The following ZNF226 variants were observed in gnomAD, a reference collection of about 807,000 sequenced individuals.
ZNF226 encodes the protein Kruppel-associated box protein.
A neutral mutation model predicts 11.4 loss-of-function variants in ZNF226; 6 were observed. That is an observed-to-expected ratio of 0.53 (90% CI 0.29 to 1.04). The LOEUF (loss-of-function observed/expected upper bound fraction) is 1.04, where lower values mean the gene tolerates loss of function less well. Ranked by LOEUF, ZNF226 falls within the 50% of genes least tolerant of loss-of-function variation. The pLI is 0.08. For missense variants in ZNF226, 1,058 were observed against 956.5 expected, an observed-to-expected ratio of 1.11 and a Z score of -1.40; for synonymous variants, 350 against 322.8, an observed-to-expected ratio of 1.08 and a Z score of -0.90.
Position 44,176,529 on chromosome 19 carries a change from G to C in ZNF226, c.1267G>C (p.Glu423Gln), listed in dbSNP as rs755235933. The change falls in exon 6 of 6, where the codon GAG (glutamate) becomes CAG (glutamine). Residue 423 changes from glutamate to glutamine, a missense_variant. By Grantham distance (29) the Glu-to-Gln change is conservative. Transcript: ENST00000337433. ...AGGAGAGAAACCATACAAATGTGAG[G>C]AGTGTGGTAAGGGCTTCATTTGTAG... ...HTGEKPYKCE[E>Q]CGKGFICSSN... The C allele has an allele frequency of 9.3e-6, 15 of 1,614,002 alleles. No individual in the cohort carries two copies. The highest frequency in any genetic ancestry group is 1.3e-5 in the African/African-American group (1 of 74,918).
At chr19:44,184,395 G>A in the ZNF226 span, among the ~76,000 whole-genome samples, 12 of 151,932 alleles carry the variant, frequency 7.9e-5, no homozygotes, top group Non-Finnish European at 2.9e-5. Flanking sequence ...GCCTGGCCAG[G>A]ATGGTGAAAC....
At chr19:44,180,100 A>C (rs531043153), downstream of ZNF226, among the ~76,000 whole-genome samples, 9 of 151,002 alleles carry the variant, frequency 6.0e-5, no homozygotes, top group East Asian at 9.7e-4. Flanking sequence ...AAAAAAAAAA[A>C]AAAAAAAAAA....
At chr19:44,186,173 T>G in the ZNF226 span, among the ~76,000 whole-genome samples, 1 of 152,050 alleles carries the variant, frequency 6.6e-6, no homozygotes, top group Non-Finnish European at 1.5e-5. Context: ...GTTTTGAAAT[T>G]AGGGAGTGTG....
intron 5 of ZNF226, 112 bp from the exon 6 acceptor site, chr19:44,175,386 T>A: frequency 7.0e-7 from 1 of 1,437,876 alleles, no homozygotes; most frequent in Non-Finnish European, 9.1e-7. Flanking sequence ...TCACAAAAGA[T>A]GAGCAGAACT....
At chr19:44,171,938 A>G (rs1411847602) in intron 3 of ZNF226, 150 bp from the exon 4 acceptor site, 17 of 949,260 alleles carry the variant, frequency 1.8e-5, no homozygotes, top group Admixed American at 1.0e-4. Flanking sequence ...CACTTTTGGT[A>G]AGTCAGTGTA....
intron 5 of ZNF226, 101 bp from the exon 6 acceptor site, chr19:44,175,397 A>C (rs1970581942): frequency 6.8e-7 from 1 of 1,460,014 alleles, no homozygotes; most frequent in African/African-American, 1.4e-5. Flanking sequence ...GAGCAGAACT[A>C]TCCCGAGGTT....
chr19:44,168,071 A>G (rs1013236156), intron 2 of ZNF226, among the ~76,000 whole-genome samples: 1 of 152,138 alleles, frequency 6.6e-6, no homozygotes, highest in African/African-American at 2.4e-5. Context: ...TAGATGGAAG[A>G]GGCAATTATT....
At chr19:44,169,230 A>G (rs1969788915) in intron 2 of ZNF226, among the ~76,000 whole-genome samples, 1 of 150,782 alleles carries the variant, frequency 6.6e-6, no homozygotes, top group Admixed American at 6.6e-5. Flanking sequence ...CTTGTCTTCA[A>G]CTCCTGACTG....
intron 5 of ZNF226, chr19:44,174,915 C>A: frequency 1.6e-5 from 24 of 1,455,286 alleles, no homozygotes; most frequent in Non-Finnish European, 2.3e-5. Flanking sequence ...ACTTGGTGTA[C>A]CCCTACCTCA....
chr19:44,176,483 A>G lies in ZNF226; in HGVS notation c.1221A>G (p.Gln407=), dbSNP rs528275612. The G allele has an allele frequency of 5.1e-5, 83 of 1,614,026 alleles. 1 individual carries two copies. The highest frequency in any genetic ancestry group is 4.9e-4 in the Middle Eastern group (3 of 6,062). ...GKSFSRNSHL[Q]SHQRVHTGEK... ...GCTTCAGTCGGAATTCACATCTTCAATCCCATCAAAGAGTTCATACAGGAG... is the reference window on the plus strand; with the variant it reads ...GCTTCAGTCGGAATTCACATCTTCAGTCCCATCAAAGAGTTCATACAGGAG... The change falls in exon 6 of 6, where the codon CAA becomes CAG. Residue 407 remains glutamine, a synonymous_variant. Transcript: ENST00000337433.
At chr19:44,175,196 T>G in intron 5 of ZNF226, 3 of 1,424,710 alleles carry the variant, frequency 2.1e-6, no homozygotes, top group Non-Finnish European at 2.7e-6. Context: ...ATGTTTTTCC[T>G]TATTGATACC....
At chr19:44,184,029 C>T in the ZNF226 span, among the ~76,000 whole-genome samples, 4 of 152,126 alleles carry the variant, frequency 2.6e-5, no homozygotes, top group African/African-American at 9.7e-5. Flanking sequence ...ATAACCATAA[C>T]CAGTTTTTAC....
At position 44,169,980 on chromosome 19, in the gene ZNF226, C is replaced by T. The variant is rs530955923; in HGVS notation, c.-46-55C>T. 61 of 1,244,662 alleles carry T rather than the reference C, an allele frequency of 4.9e-5. 1 individual carries two copies. The African/African-American group carries it at 5.1e-4, about 10-fold the overall frequency. The allele number at this position is 1,244,662 out of a possible 1,614,324, so 77.1% of individuals were successfully genotyped here. A position where few individuals can be genotyped will look rare whatever the true frequency, so the allele number is the denominator to read the frequency against. ...TTTGCTAATTCCTAAAGAGCAGCCA[C>T]GTGCATTAGCAACATACTTACCCAG... On this transcript the variant is annotated intron_variant, in intron 2 of 5. Coordinates refer to ENST00000337433, the MANE Select transcript of ZNF226 (RefSeq NM_001032373.2).
the ZNF226 span, among the ~76,000 whole-genome samples, chr19:44,188,894 A>G: frequency 6.2e-3 from 947 of 152,348 alleles, 6 homozygotes; most frequent in Admixed American, 0.012. Context: ...TTTTATAAGG[A>G]AAAATGAAAA....
downstream of ZNF226, among the ~76,000 whole-genome samples, chr19:44,181,903 C>T (rs919612903): frequency 4.6e-5 from 7 of 152,066 alleles, no homozygotes; most frequent in African/African-American, 1.7e-4. Context: ...GAGGAGTCAC[C>T]AAGTAGAAAA....
At chr19:44,173,005 T>C (rs1029324750) in intron 5 of ZNF226, 53 bp downstream of exon 5, 3 of 1,508,764 alleles carry the variant, frequency 2.0e-6, no homozygotes, top group Non-Finnish European at 2.7e-6. Flanking sequence ...TCTGCTTTGC[T>C]TCTTCTTAGC....
the ZNF226 span, among the ~76,000 whole-genome samples, chr19:44,194,372 G>A: frequency 6.6e-6 from 1 of 152,158 alleles, no homozygotes; most frequent in Non-Finnish European, 1.5e-5. Flanking sequence ...GAACTCCTGG[G>A]CAAAGTGATC....
chr19:44,171,801 T>A (rs894730348), intron 3 of ZNF226, among the ~76,000 whole-genome samples: 1 of 152,218 alleles, frequency 6.6e-6, no homozygotes. Context: ...GGGACTCAAT[T>A]GGTAAACCTT....
chr19:44,172,115 G>A lies in ZNF226; in HGVS notation c.43G>A (p.Val15Met). Reference sequence around the variant, plus strand: ...AGCAGTGACCTTCAAGGACGTGGCTGTGGCCTTCACGGAGGAGGAATTGGG... The same window carrying A: ...AGCAGTGACCTTCAAGGACGTGGCTATGGCCTTCACGGAGGAGGAATTGGG... ...KEAVTFKDVA[V>M]AFTEEELGLL... The change falls in exon 4 of 6, where the codon GTG (valine) becomes ATG (methionine). Residue 15 changes from valine (V) to methionine (M), a missense_variant. By Grantham distance (21) the Val-to-Met change is conservative. Transcript: ENST00000337433. 1 of 1,612,824 alleles carries A rather than the reference G, an allele frequency of 6.2e-7. No individual in the cohort carries two copies.
Sources: allele counts gnomAD v4.1 joint callset (sites outside exome capture counted in the v4.1 genomes callset), GRCh38; gene constraint gnomAD v4.1.1; transcripts MANE v1.5; gene names NCBI Gene and HGNC (gene_info 2026-07-23, HGNC 2026-07-21).